MDGA2: variants seen among roughly 807,000 people sequenced by gnomAD.
The protein encoded by MDGA2 is MAM domain containing glycosylphosphatidylinositol anchor 2.
Under a neutral mutation model 117.8 loss-of-function variants are expected in MDGA2, and 40 were observed. The ratio of observed to expected loss-of-function variants is 0.34; its 90% CI spans 0.26 to 0.44. The LOEUF (loss-of-function observed/expected upper bound fraction) is 0.44. Among genes scored for constraint, MDGA2 ranks in the 20% least tolerant of loss-of-function variants. MDGA2 has a pLI of 1.00. For missense variants in MDGA2, 1,123 were observed against 1,250.6 expected, an observed-to-expected ratio of 0.90 and a Z score of 1.54; for synonymous variants, 452 against 439.0, an observed-to-expected ratio of 1.03 and a Z score of -0.37.
intron 4 of MDGA2, among the ~76,000 whole-genome samples, chr14:47,138,482 T>C (rs957142070): frequency 1.3e-5 from 2 of 152,116 alleles, no homozygotes; most frequent in African/African-American, 4.8e-5. Context: ...TTTGTAAGAT[T>C]TAAGCAATTG....
intron 5 of MDGA2, among the ~76,000 whole-genome samples, chr14:47,126,029 T>C (rs4347540): frequency 0.11 from 17,124 of 151,980 alleles, 1,098 homozygotes; most frequent in Admixed American, 0.12. Flanking sequence ...AAATAATTTA[T>C]ACTCAGTTAT....
intron 1 of MDGA2, among the ~76,000 whole-genome samples, chr14:47,538,336 T>C (rs1377128763): frequency 1.3e-5 from 2 of 152,192 alleles, no homozygotes; most frequent in Non-Finnish European, 2.9e-5. Flanking sequence ...TAGGAGAATC[T>C]GGTCAGTGCA....
intron 9 of MDGA2, among the ~76,000 whole-genome samples, chr14:46,954,548 T>C (rs1388648856): frequency 1.3e-5 from 2 of 152,026 alleles, no homozygotes; most frequent in Non-Finnish European, 2.9e-5. Flanking sequence ...TTCCAGCTTC[T>C]TGTGGCTCCA....
At chr14:47,110,501 G>A (rs1321003151) in intron 5 of MDGA2, among the ~76,000 whole-genome samples, 1 of 152,030 alleles carries the variant, frequency 6.6e-6, no homozygotes, top group Non-Finnish European at 1.5e-5. Flanking sequence ...CTCTCCTACT[G>A]GGAAAAATAT....
chr14:46,937,576 A>G (rs1178572639), intron 9 of MDGA2, among the ~76,000 whole-genome samples: 1 of 152,174 alleles, frequency 6.6e-6, no homozygotes, highest in African/African-American at 2.4e-5. Flanking sequence ...CTACAAAGCT[A>G]TAATAACCAA....
intron 8 of MDGA2, among the ~76,000 whole-genome samples, chr14:47,017,702 G>A (rs1159299077): frequency 6.6e-6 from 1 of 151,988 alleles, no homozygotes; most frequent in Non-Finnish European, 1.5e-5. Flanking sequence ...TTATTAGACA[G>A]ATAGGCCCTA....
chr14:47,608,662 C>A (rs1896784768), intron 1 of MDGA2, among the ~76,000 whole-genome samples: 1 of 152,048 alleles, frequency 6.6e-6, no homozygotes, highest in African/African-American at 2.4e-5. Context: ...TGGCTTTTCT[C>A]TGAATAAGAC....
intron 2 of MDGA2, among the ~76,000 whole-genome samples, chr14:47,258,087 T>C (rs1222486884): frequency 6.6e-6 from 1 of 152,158 alleles, no homozygotes; most frequent in Non-Finnish European, 1.5e-5. Flanking sequence ...TGCTATGATA[T>C]TTCTTTTTCT....
intron 2 of MDGA2, among the ~76,000 whole-genome samples, chr14:47,268,886 G>A (rs1888053833): frequency 6.6e-6 from 1 of 152,106 alleles, no homozygotes; most frequent in Admixed American, 6.6e-5. Flanking sequence ...ATATGCAATA[G>A]AATAATAGCA....
chr14:47,031,348 C>T (rs1042744705), intron 8 of MDGA2, among the ~76,000 whole-genome samples: 1 of 151,872 alleles, frequency 6.6e-6, no homozygotes, highest in Non-Finnish European at 1.5e-5. Context: ...TAATTGGACG[C>T]AAGTAAAACT....
chr14:47,226,784 A>G (rs1184279329), intron 2 of MDGA2, among the ~76,000 whole-genome samples: 1 of 152,122 alleles, frequency 6.6e-6, no homozygotes, highest in Non-Finnish European at 1.5e-5. Context: ...ACAAAATGTT[A>G]TTGTTCCATC....
intron 1 of MDGA2, among the ~76,000 whole-genome samples, chr14:47,621,846 C>T (rs926597417): frequency 9.9e-5 from 15 of 152,076 alleles, no homozygotes; most frequent in Non-Finnish European, 1.2e-4. Flanking sequence ...ACGTTGTAAG[C>T]GAAAAATAAG....
intron 9 of MDGA2, among the ~76,000 whole-genome samples, chr14:46,936,333 T>C (rs532132159): frequency 8.5e-5 from 13 of 152,092 alleles, no homozygotes; most frequent in Non-Finnish European, 1.9e-4. Flanking sequence ...CTGGGCCTTC[T>C]CTTCTCCCAT....
intron 1 of MDGA2, among the ~76,000 whole-genome samples, chr14:47,637,511 T>C (rs916860534): frequency 1.3e-5 from 2 of 152,218 alleles, no homozygotes; most frequent in African/African-American, 2.4e-5. Context: ...AATTTAGTTT[T>C]AAACAATTTT....
chr14:47,260,414 T>A (rs1392391963), intron 2 of MDGA2, among the ~76,000 whole-genome samples: 2 of 152,030 alleles, frequency 1.3e-5, no homozygotes, highest in South Asian at 2.1e-4. Flanking sequence ...GGAGGTGGAA[T>A]CTTTACTGAG....
intron 5 of MDGA2, among the ~76,000 whole-genome samples, chr14:47,114,652 C>A (rs780337822): frequency 1.3e-5 from 2 of 151,980 alleles, no homozygotes; most frequent in Non-Finnish European, 2.9e-5. Context: ...ACAAACCTGA[C>A]AAAAACAAGC....
At chr14:47,618,672 T>C (rs997542060) in intron 1 of MDGA2, among the ~76,000 whole-genome samples, 87 of 152,244 alleles carry the variant, frequency 5.7e-4, no homozygotes, top group Admixed American at 2.0e-4. Flanking sequence ...CTACAATGTC[T>C]ATTCTAGTAC....
chr14:46,987,928 G>A (rs1047876589), intron 8 of MDGA2, among the ~76,000 whole-genome samples: 2 of 104,246 alleles, frequency 1.9e-5, no homozygotes, highest in Admixed American at 8.9e-5. Flanking sequence ...ATTCTGGGGT[G>A]GGGGGGGGTG....
At chr14:46,902,195 G>C (rs914870822) in intron 10 of MDGA2, among the ~76,000 whole-genome samples, 4 of 151,808 alleles carry the variant, frequency 2.6e-5, no homozygotes, top group African/African-American at 9.7e-5. Context: ...TTTTTCAACA[G>C]TACCACCATG....
Sources: allele counts gnomAD v4.1 joint callset (sites outside exome capture counted in the v4.1 genomes callset), GRCh38; gene constraint gnomAD v4.1.1; transcripts MANE v1.5; gene names NCBI Gene and HGNC (gene_info 2026-07-23, HGNC 2026-07-21).